The following DAPK2 variants were observed in gnomAD, a reference collection of about 807,000 sequenced individuals.
The protein encoded by DAPK2 is death-associated protein kinase 2.
DAPK2 carries 35 observed loss-of-function variants against 44.1 expected under a neutral mutation model. The ratio of observed to expected loss-of-function variants is 0.79; its 90% confidence interval spans 0.61 to 1.05. The LOEUF is 1.05. Among genes scored for constraint, DAPK2 ranks in the 50% least tolerant of loss-of-function variants. DAPK2 has a pLI of 0.00. For missense variants in DAPK2, 453 were observed against 483.2 expected (o/e 0.94, Z 0.59); for synonymous variants, 174 against 182.6 (o/e 0.95, Z 0.38).
At chr15:63,976,647 G>A (rs1355922884) in intron 2 of DAPK2, among the ~76,000 whole-genome samples, 3 of 152,272 alleles carry the variant, frequency 2.0e-5, no homozygotes, top group African/African-American at 7.2e-5. Flanking sequence ...CGAGGCTGTA[G>A]TGAGCCGTGA....
intron 1 of DAPK2, among the ~76,000 whole-genome samples, chr15:64,017,400 G>A (rs888214714): frequency 3.3e-5 from 5 of 152,188 alleles, no homozygotes; most frequent in Non-Finnish European, 7.3e-5. Flanking sequence ...ACCACACGAA[G>A]CCCCACCTGC....
chr15:63,911,455 T>C lies in DAPK2; in HGVS notation c.1032+453A>G, dbSNP rs183099475. The C allele has an allele frequency of 2.3e-3, 449 of 194,262 alleles. 6 individuals carry two copies. Among genetic ancestry groups the C allele is most frequent in the African/African-American group, 1.0e-2 (424 of 42,570 alleles). 12.0% of individuals were successfully genotyped at this position (194,262 alleles called of 1,614,324 possible). A position where few individuals can be genotyped will look rare whatever the true frequency, so the allele number is the denominator to read the frequency against. On this transcript the variant is annotated intron_variant, in intron 10 of 10. Transcript: ENST00000261891. ...TTATAAGCTACTCCCTTTAAATGTA[T>C]ACAAAATGGCAATAAAGTAATCAAA...
At chr15:63,985,460 G>A (rs995572069) in intron 1 of DAPK2, among the ~76,000 whole-genome samples, 6 of 152,170 alleles carry the variant, frequency 3.9e-5, no homozygotes, top group African/African-American at 9.7e-5. Context: ...CCAGGCCCGG[G>A]TGGCTCTGAG....
intron 8 of DAPK2, among the ~76,000 whole-genome samples, chr15:63,914,516 C>A (rs1008954845): frequency 3.3e-5 from 5 of 152,178 alleles, no homozygotes; most frequent in Admixed American, 2.0e-4. Flanking sequence ...CTAGTCCCCC[C>A]CTGGAAGGGA....
chr15:63,926,089 T>C (rs1477637467), exon 7 of DAPK2: 1 of 1,607,180 alleles, frequency 6.2e-7, no homozygotes, highest in Admixed American at 1.7e-5. Flanking sequence ...GATGCTCCAC[T>C]TAAGCTGAGT....
At chr15:64,000,151 C>T (rs1305353115) in intron 1 of DAPK2, among the ~76,000 whole-genome samples, 2 of 150,466 alleles carry the variant, frequency 1.3e-5, no homozygotes, top group Non-Finnish European at 3.0e-5. Flanking sequence ...GGGGATGATA[C>T]AAAGCACTTG....
chr15:63,983,543 T>C (rs1360419127), exon 2 of DAPK2: 2 of 1,613,958 alleles, frequency 1.2e-6, no homozygotes, highest in African/African-American at 2.7e-5. Flanking sequence ...AGCTCAAGGA[T>C]GAGCACCACG....
chr15:63,949,599 C>T (rs907683301), intron 3 of DAPK2, among the ~76,000 whole-genome samples: 9 of 152,184 alleles, frequency 5.9e-5, no homozygotes, highest in Non-Finnish European at 1.0e-4. Flanking sequence ...TGCTAATTGC[C>T]TATCGGAATT....
intron 3 of DAPK2, among the ~76,000 whole-genome samples, chr15:63,944,289 C>T (rs538013828): frequency 1.2e-3 from 188 of 152,302 alleles, no homozygotes; most frequent in African/African-American, 4.2e-3. Flanking sequence ...ACCAGACATA[C>T]CCATAGACTC....
Position 63,917,480 on chromosome 15 carries a change from G to C in DAPK2, c.859-5283C>G, listed in dbSNP as rs1020940140. 13 of 152,114 alleles carry C rather than the reference G, an allele frequency of 8.5e-5. No individual in the cohort carries two copies. Among genetic ancestry groups the C allele is most frequent in the Non-Finnish European group, 1.5e-4 (10 of 68,032 alleles). 9.4% of individuals were successfully genotyped at this position (152,114 alleles called of 1,614,324 possible). A position where few individuals can be genotyped will look rare whatever the true frequency, so the allele number is the denominator to read the frequency against. On this transcript the variant is annotated intron_variant, in intron 8 of 10. Coordinates refer to ENST00000261891, the Ensembl canonical transcript of DAPK2. The surrounding 1 kb of genome is among the most constrained non-coding windows in gnomAD (Gnocchi z 4.4). ...AAAATACCCCAGAAGAAAAGTAATG[G>C]GAGAGATGAATGAAAGAGGACCCGC... is the stretch of plus-strand genomic sequence containing the variant.
At chr15:64,024,034 G>A (rs1168020474) in intron 1 of DAPK2, among the ~76,000 whole-genome samples, 1 of 152,220 alleles carries the variant, frequency 6.6e-6, no homozygotes, top group Non-Finnish European at 1.5e-5. Flanking sequence ...TAAGTAAAAA[G>A]AATGGTAGCA....
intron 1 of DAPK2, among the ~76,000 whole-genome samples, chr15:63,992,759 G>A (rs571365512): frequency 3.9e-5 from 6 of 152,300 alleles, no homozygotes; most frequent in African/African-American, 1.4e-4. Context: ...CAAGGGACCA[G>A]TCGGGCTCAG....
chr15:63,967,927 G>A (rs113206879), intron 3 of DAPK2, among the ~76,000 whole-genome samples: 74 of 152,302 alleles, frequency 4.9e-4, no homozygotes, highest in African/African-American at 1.7e-3. Context: ...TATGGGTAAG[G>A]GTGTGGAGAC....
chr15:63,919,473 G>A (rs2079014546), intron 8 of DAPK2: 1 of 151,792 alleles, frequency 6.6e-6, no homozygotes, highest in Non-Finnish European at 1.5e-5. Flanking sequence ...CTCTTTTACT[G>A]TATTCTATTT....
At chr15:63,964,170 G>T (rs551213381) in intron 3 of DAPK2, among the ~76,000 whole-genome samples, 3 of 152,136 alleles carry the variant, frequency 2.0e-5, no homozygotes, top group African/African-American at 7.2e-5. Flanking sequence ...TTCTTTGTCT[G>T]GGAAAGTCTT....
At chr15:63,949,959 A>T (rs1306413323) in intron 3 of DAPK2, among the ~76,000 whole-genome samples, 3 of 152,222 alleles carry the variant, frequency 2.0e-5, no homozygotes, top group Non-Finnish European at 2.9e-5. Context: ...TCCCAATAAA[A>T]AGTTTTGAGG....
intron 4 of DAPK2, among the ~76,000 whole-genome samples, chr15:63,934,085 ACTT>A (rs2077059000): frequency 6.6e-6 from 1 of 151,436 alleles, no homozygotes; most frequent in Non-Finnish European, 1.5e-5. Flanking sequence ...TTTTTCCCCA[ACTT>A]CTTTTTTTTA....
rs986746018 is a variant in DAPK2 at position 63,911,790 on chromosome 15, G to C, written c.1032+118C>G. 1.2e-5 allele frequency: 12 copies of C among 993,938 alleles called. No homozygotes were observed. In the African/African-American group the frequency reaches 1.9e-4, roughly 16 times the overall value. 61.6% of individuals were successfully genotyped at this position (993,938 alleles called of 1,614,324 possible). On this transcript the variant is annotated intron_variant, in intron 10 of 10. Transcript: ENST00000261891. ...AGGGAAGAGGAGGACTGGGCCAGCA[G>C]AACTGGCTGGAAACAGTGAACACCC...
intron 3 of DAPK2, among the ~76,000 whole-genome samples, chr15:63,961,076 G>C (rs2077887224): frequency 6.6e-6 from 1 of 152,210 alleles, no homozygotes; most frequent in African/African-American, 2.4e-5. Context: ...ACTTCTTGTT[G>C]AATTGATCCC....
Sources: gnomAD v4.1 joint callset for allele counts (sites outside exome capture counted in the v4.1 genomes callset) on GRCh38, gnomAD v4.1.1 for gene constraint, Gnocchi (gnomAD v3.1) non-coding constraint, MANE v1.5 for transcripts, NCBI Gene and HGNC (gene_info 2026-07-23, HGNC 2026-07-21) for gene names.